GLI3: variants seen among roughly 807,000 people sequenced by gnomAD.
The protein encoded by GLI3 is transcription activator GLI3.
A neutral mutation model predicts 100.8 loss-of-function variants in GLI3; 20 were observed. That is an observed-to-expected ratio of 0.20 (90% CI 0.14 to 0.29). The LOEUF is 0.29. GLI3 is among the 10% of genes least tolerant of loss of function. GLI3 has a pLI of 1.00. For missense variants in GLI3, 2,040 were observed against 2,128.5 expected, an observed-to-expected ratio of 0.96 and a Z score of 0.82; for synonymous variants, 938 against 860.5, an observed-to-expected ratio of 1.09 and a Z score of -1.58.
At chr7:42,111,014 C>T (rs1785693598) in intron 3 of GLI3, among the ~76,000 whole-genome samples, 1 of 152,188 alleles carries the variant, frequency 6.6e-6, no homozygotes, top group South Asian at 2.1e-4. Context: ...GATGCAAACT[C>T]TGGAAGGCTA....
intron 7 of GLI3, among the ~76,000 whole-genome samples, chr7:42,032,900 C>T (rs1374293302): frequency 6.6e-6 from 1 of 152,186 alleles, no homozygotes; most frequent in Non-Finnish European, 1.5e-5. Flanking sequence ...CTTAACCCTT[C>T]CCTAACATAA....
Position 41,966,638 on chromosome 7 carries a change from G to T in GLI3, c.2435C>A (p.Thr812Lys). The part of the protein sequence containing the change: ...PAVSPLIGNG[T>K]QSNNTCSLGG... Reference sequence around the variant, plus strand: ...CAAGCTGCAGGTGTTGTTGGACTGTGTGCCTGGAGACAGAGAAAGGGAGAG... The same window carrying T: ...CAAGCTGCAGGTGTTGTTGGACTGTTTGCCTGGAGACAGAGAAAGGGAGAG... Residue 812 changes from threonine (T) to lysine (K), a missense_variant, in exon 15 of 15, where the codon ACA (threonine) becomes AAA (lysine). Around this residue, in one of 5 missense-constraint regions of GLI3, gnomAD observed 327 missense variants for 338.7 expected, o/e 0.97. Transcript: ENST00000395925. This position sits in a 1 kb window ranked among gnomAD's most constrained non-coding sequence, Gnocchi z 5.8. The T allele has an allele frequency of 6.2e-7, 1 of 1,614,026 alleles. No individual in the cohort carries two copies. Among genetic ancestry groups the T allele is most frequent in the South Asian group, 1.1e-5 (1 of 91,080 alleles).
At chr7:42,078,604 G>T (rs1784929935) in intron 3 of GLI3, among the ~76,000 whole-genome samples, 1 of 152,100 alleles carries the variant, frequency 6.6e-6, no homozygotes, top group Non-Finnish European at 1.5e-5. Flanking sequence ...GGGAGTGGGG[G>T]GCATGGAAAG....
At chr7:42,085,354 G>C (rs751092840) in intron 3 of GLI3, among the ~76,000 whole-genome samples, 2 of 152,136 alleles carry the variant, frequency 1.3e-5, no homozygotes, top group Non-Finnish European at 2.9e-5. Context: ...TGCAAAACTA[G>C]CAGAAGCAGG....
At chr7:41,989,987 C>CAAAA (rs60763223) in intron 10 of GLI3, among the ~76,000 whole-genome samples, 3 of 62,832 alleles carry the variant, frequency 4.8e-5, no homozygotes, top group African/African-American at 9.6e-5. Context: ...ACTCTGTCTC[C>CAAAA]AAAAAAAAAA....
At chr7:41,970,586 T>C (rs1193518295) in intron 13 of GLI3, among the ~76,000 whole-genome samples, 1 of 152,174 alleles carries the variant, frequency 6.6e-6, no homozygotes, top group African/African-American at 2.4e-5. Context: ...AATTACTTTA[T>C]GAAATATTTC....
chr7:42,119,898 A>C (rs1212503704), intron 3 of GLI3, among the ~76,000 whole-genome samples: 1 of 152,164 alleles, frequency 6.6e-6, no homozygotes, highest in African/African-American at 2.4e-5. Context: ...CTGAAATAAA[A>C]CTTGACAGCC....
upstream of GLI3, among the ~76,000 whole-genome samples, chr7:42,242,220 T>C (rs567863112): frequency 1.3e-5 from 2 of 152,324 alleles, no homozygotes; most frequent in East Asian, 3.9e-4. Context: ...TGCCAATGCA[T>C]GTTAATTTGA....
chr7:42,241,540 C>A (rs1346418869), upstream of GLI3, among the ~76,000 whole-genome samples: 3 of 152,218 alleles, frequency 2.0e-5, no homozygotes, highest in Non-Finnish European at 4.4e-5. Flanking sequence ...GGGCCTGAGC[C>A]TCCCCACGCT....
intron 2 of GLI3, among the ~76,000 whole-genome samples, chr7:42,153,690 G>C (rs1786932524): frequency 6.6e-6 from 1 of 152,168 alleles, no homozygotes; most frequent in African/African-American, 2.4e-5. Context: ...GTGAAACCTT[G>C]TAACTTCTAT....
intron 2 of GLI3, among the ~76,000 whole-genome samples, chr7:42,208,865 A>G (rs1027977272): frequency 6.6e-6 from 1 of 152,150 alleles, no homozygotes; most frequent in Non-Finnish European, 1.5e-5. Flanking sequence ...GAGTATAGGA[A>G]GCCTGGTGGG....
At chr7:42,262,667 C>T (rs1384138501) in intron 1 of GLI3, among the ~76,000 whole-genome samples, 3 of 152,160 alleles carry the variant, frequency 2.0e-5, no homozygotes, top group South Asian at 2.1e-4. Context: ...TAAATAATGA[C>T]AGTGCAACAT....
At chr7:42,067,770 TA>T (rs1181108063) in intron 4 of GLI3, among the ~76,000 whole-genome samples, 4 of 150,304 alleles carry the variant, frequency 2.7e-5, no homozygotes, top group South Asian at 2.1e-4. Context: ...GGGGGAACCT[TA>T]AAAAAAAAGC....
chr7:42,238,009 T>TCCTCCTCCG (rs1339049407), upstream of GLI3: 3 of 139,294 alleles, frequency 2.2e-5, no homozygotes, highest in African/African-American at 1.1e-4. Context: ...CGCCGCCTCC[T>TCCTCCTCCG]CCTCCTCCTC....
chr7:42,081,580 G>T (rs895472105), intron 3 of GLI3, among the ~76,000 whole-genome samples: 1 of 152,114 alleles, frequency 6.6e-6, no homozygotes, highest in African/African-American at 2.4e-5. Flanking sequence ...TGATTTTTAG[G>T]TCTCTTCACA....
In GLI3 at chr7:42,069,201, A is replaced by C. The variant is rs185001088; in HGVS notation, c.473+7551T>G. On this transcript the variant is annotated intron_variant, in intron 4 of 14. Transcript: ENST00000395925. ...GCTGGGGCTCAGACTCTGAATATACACTATAATTAGGGCCTGCTTTCTCTG... is the reference window on the plus strand; with the variant it reads ...GCTGGGGCTCAGACTCTGAATATACCCTATAATTAGGGCCTGCTTTCTCTG... Among the ~76,000 whole-genome samples the C allele has an allele frequency of 7.2e-5, 11 of 152,316 alleles. No individual in the cohort carries two copies. In the East Asian group the frequency reaches 2.1e-3, roughly 29 times the overall value.
chr7:42,106,011 A>G (rs1293169494), intron 3 of GLI3, among the ~76,000 whole-genome samples: 1 of 152,150 alleles, frequency 6.6e-6, no homozygotes, highest in Non-Finnish European at 1.5e-5. Context: ...GGTTTCTCTC[A>G]TCCTTTTTGC....
intron 10 of GLI3, among the ~76,000 whole-genome samples, chr7:41,991,087 C>A (rs9648515): frequency 0.47 from 71,870 of 151,986 alleles, 17,718 homozygotes; most frequent in East Asian, 0.8. Context: ...TTACTGTGCT[C>A]AACACTGAAA....
At chr7:42,261,984 CTT>C (rs1789145886) in intron 1 of GLI3, among the ~76,000 whole-genome samples, 2 of 132,538 alleles carry the variant, frequency 1.5e-5, no homozygotes, top group Non-Finnish European at 3.2e-5. Context: ...CTCTCTCTTT[CTT>C]TCTTTCTTTC....
Sources: allele counts gnomAD v4.1 joint callset (sites outside exome capture counted in the v4.1 genomes callset), GRCh38; gene constraint gnomAD v4.1.1; regional missense constraint gnomAD v4.1.1; non-coding constraint Gnocchi (gnomAD v3.1); transcripts MANE v1.5; gene names NCBI Gene and HGNC (gene_info 2026-07-23, HGNC 2026-07-21).